Variants in ARHGAP26 observed in about 807,000 individuals in gnomAD.
ARHGAP26 encodes rho GTPase-activating protein 26.
In ARHGAP26, 38 loss-of-function variants were observed where a neutral mutation model predicts 104.8. The observed-to-expected ratio is 0.36, with a 90% CI of 0.28 to 0.48. The LOEUF is 0.48. Among genes scored for constraint, ARHGAP26 ranks in the 20% least tolerant of loss-of-function variants. The pLI is 0.99. For missense variants in ARHGAP26, 704 were observed against 947.9 expected (o/e 0.74, Z 3.38); for synonymous variants, 341 against 340.0 (o/e 1.00, Z -0.03).
At chr5:142,813,039 G>T (rs188087734) in intron 1 of ARHGAP26, among the ~76,000 whole-genome samples, 1 of 149,988 alleles carries the variant, frequency 6.7e-6, no homozygotes, top group East Asian at 2.0e-4. Context: ...CTGGGTTCAC[G>T]CCATTCTCCT....
intron 1 of ARHGAP26, among the ~76,000 whole-genome samples, chr5:142,776,413 A>C (rs1561819892): frequency 6.6e-6 from 1 of 152,228 alleles, no homozygotes; most frequent in Non-Finnish European, 1.5e-5. Context: ...TTTTGCCTGA[A>C]GCCTCATACA....
chr5:142,931,063 C>T (rs1455008612), intron 10 of ARHGAP26, among the ~76,000 whole-genome samples: 1 of 152,206 alleles, frequency 6.6e-6, no homozygotes, highest in East Asian at 1.9e-4. Context: ...ACCTCTTCCT[C>T]CTTTTTAGGC....
intron 17 of ARHGAP26, among the ~76,000 whole-genome samples, chr5:143,101,525 A>G (rs1793232460): frequency 6.6e-6 from 1 of 151,982 alleles, no homozygotes; most frequent in Non-Finnish European, 1.5e-5. Flanking sequence ...ATCAGGTGTC[A>G]CCATTTCTGA....
chr5:142,913,902 C>G (rs1029206959), intron 10 of ARHGAP26, among the ~76,000 whole-genome samples: 1 of 152,130 alleles, frequency 6.6e-6, no homozygotes, highest in African/African-American at 2.4e-5. Flanking sequence ...TGGTGTTAAG[C>G]TAGTTTGACA....
At chr5:142,903,463 G>C (rs1301956917) in intron 7 of ARHGAP26, 77 bp from the exon 8 acceptor site, 2 of 1,472,366 alleles carry the variant, frequency 1.4e-6, no homozygotes, top group Non-Finnish European at 1.8e-6. Context: ...TAGATCTAAG[G>C]ATTCTATTAG....
In ARHGAP26 at chr5:142,963,194, A is replaced by ATG. The variant is rs1375363062; in HGVS notation, c.1107+31070_1107+31071insGT. ...TATGTATATATATATATATATATAT[A>ATG]TATATGTGTGTGTGTGTGTGTGTGT... On this transcript the variant is annotated intron_variant, in intron 11 of 22. Transcript: ENST00000645722. Among the ~76,000 whole-genome samples, 110 of 102,664 alleles carry ATG rather than the reference A, an allele frequency of 1.1e-3. 4 individuals carry two copies. The highest frequency in any genetic ancestry group is 4.9e-3 in the African/African-American group (75 of 15,302). The allele number at this position is 102,664 out of a possible 152,430, so 67.4% of individuals were successfully genotyped here. A position where few individuals can be genotyped will look rare whatever the true frequency, so the allele number is the denominator to read the frequency against.
rs1804710185 is a variant in ARHGAP26, at chr5:143,183,570, A to G, written c.1989-23628A>G. On this transcript the variant is annotated intron_variant, in intron 20 of 22. Transcript: ENST00000645722. The stretch of plus-strand genomic sequence containing the variant: ...CACAGTCCATCCTGTGCCGGGGAGC[A>G]GCTTGCAGGCAACTCATTTCTTGAG... Among the ~76,000 whole-genome samples the G allele has an allele frequency of 2.6e-5, 4 of 152,166 alleles. 1 individual carries two copies. Among genetic ancestry groups the G allele is most frequent in the Admixed American group, 2.6e-4 (4 of 15,276 alleles).
intron 1 of ARHGAP26, among the ~76,000 whole-genome samples, chr5:142,793,350 G>C (rs1283580898): frequency 6.9e-6 from 1 of 145,496 alleles, no homozygotes; most frequent in South Asian, 2.2e-4. Context: ...TTGAAATACT[G>C]ATGGTGAGTC....
intron 1 of ARHGAP26, among the ~76,000 whole-genome samples, chr5:142,792,000 C>T (rs1334863241): frequency 6.7e-6 from 1 of 149,060 alleles, no homozygotes; most frequent in Non-Finnish European, 1.5e-5. Context: ...GTTATAGTAG[C>T]ACAAATGGGA....
chr5:142,770,987 T>G, intron 1 of ARHGAP26, 72 bp downstream of exon 1: 1 of 1,492,906 alleles, frequency 6.7e-7, no homozygotes, highest in South Asian at 1.3e-5. Flanking sequence ...TTAGCCCGGG[T>G]TGCCCGCGCG....
chr5:142,936,975 C>A (rs368903718), intron 11 of ARHGAP26, among the ~76,000 whole-genome samples: 1 of 151,982 alleles, frequency 6.6e-6, no homozygotes, highest in Non-Finnish European at 1.5e-5. Context: ...AGATGCAATG[C>A]GGAAAGCATA....
At position 142,788,254 on chromosome 5, in the gene ARHGAP26, G is replaced by C. The variant is rs113734228; in HGVS notation, c.154+17339G>C. On this transcript the variant is annotated intron_variant, in intron 1 of 22. Transcript: ENST00000645722. Reference sequence around the variant, plus strand: ...GACCTCAAGTGATCCACCCACCTTGGCCTCCCAAAGTGCTGGGATTACAGG... The same window carrying C: ...GACCTCAAGTGATCCACCCACCTTGCCCTCCCAAAGTGCTGGGATTACAGG... Among the ~76,000 whole-genome samples, 914 of 152,194 alleles carry C rather than the reference G, an allele frequency of 6.0e-3. 7 individuals carry two copies. Among genetic ancestry groups the C allele is most frequent in the African/African-American group, 0.021 (875 of 41,520 alleles).
intron 8 of ARHGAP26, among the ~76,000 whole-genome samples, chr5:142,906,586 T>G (rs181147925): frequency 4.7e-4 from 71 of 152,340 alleles, no homozygotes; most frequent in Admixed American, 1.2e-3. Flanking sequence ...GTTCCTCTTT[T>G]GTTCAGGAGG....
At chr5:142,887,801 C>T (rs953751633) in intron 5 of ARHGAP26, among the ~76,000 whole-genome samples, 1 of 152,092 alleles carries the variant, frequency 6.6e-6, no homozygotes, top group African/African-American at 2.4e-5. Context: ...CTCGTCTCTA[C>T]TAAAAATACA....
intron 1 of ARHGAP26, among the ~76,000 whole-genome samples, chr5:142,793,917 G>C (rs1328246047): frequency 6.6e-6 from 1 of 152,178 alleles, no homozygotes; most frequent in Admixed American, 6.5e-5. Flanking sequence ...CATTTGTAGA[G>C]GCGGTGCTTT....
At chr5:143,214,119 G>T in intron 22 of ARHGAP26, 31 bp downstream of exon 22, 2 of 340,352 alleles carry the variant, frequency 5.9e-6, no homozygotes, top group Non-Finnish European at 6.1e-6. Flanking sequence ...CAAAGATATG[G>T]GCGGGGGGCG....
chr5:143,070,146 G>A (rs2150370933), intron 17 of ARHGAP26, among the ~76,000 whole-genome samples: 1 of 152,286 alleles, frequency 6.6e-6, no homozygotes, highest in South Asian at 2.1e-4. Flanking sequence ...CTCAGGCTAG[G>A]TGGTTAGTCA....
chr5:142,909,318 G>C lies in ARHGAP26; in HGVS notation c.933+1514G>C, dbSNP rs531907726. ...TAGTCCTCTACAAGCATTCCACTTC[G>C]GTCCTCTCTGCAGTACATTTTTATG... On this transcript the variant is annotated intron_variant, in intron 9 of 22. Coordinates refer to ENST00000645722, the MANE Select transcript of ARHGAP26 (RefSeq NM_001135608.3). Among the ~76,000 whole-genome samples, 7 of 152,142 alleles carry C rather than the reference G, an allele frequency of 4.6e-5. No individual in the cohort carries two copies. In the East Asian group the frequency reaches 1.4e-3, roughly 29 times the overall value.
intron 1 of ARHGAP26, among the ~76,000 whole-genome samples, chr5:142,813,887 C>G (rs1452322629): frequency 6.6e-6 from 1 of 152,202 alleles, no homozygotes; most frequent in Non-Finnish European, 1.5e-5. Context: ...CCAAAATACA[C>G]TCATGTTACC....
Sources: allele counts gnomAD v4.1 joint callset (sites outside exome capture counted in the v4.1 genomes callset), GRCh38; gene constraint gnomAD v4.1.1; transcripts MANE v1.5; gene names NCBI Gene and HGNC (gene_info 2026-07-23, HGNC 2026-07-21).